The following ZMYM4 variants were observed in gnomAD, a reference collection of about 807,000 sequenced individuals.
The protein encoded by ZMYM4 is zinc finger MYM-type containing 4.
A neutral mutation model predicts 183.2 loss-of-function variants in ZMYM4; 31 were observed. The observed-to-expected ratio is 0.17, with a 90% CI of 0.13 to 0.23. The LOEUF (loss-of-function observed/expected upper bound fraction) is 0.23, where lower values mean the gene tolerates loss of function less well. Ranked by LOEUF, ZMYM4 falls within the 10% of genes least tolerant of loss-of-function variation. The probability of loss-of-function intolerance (pLI) is 1.00; values close to 1 mark genes in which losing one functional copy is unlikely to be tolerated. For missense variants in ZMYM4, 1,273 were observed against 1,840.3 expected (o/e 0.69, Z 5.64); for synonymous variants, 592 against 631.2 (o/e 0.94, Z 0.93).
chr1:35,374,182 C>T (rs1644283541), intron 7 of ZMYM4, among the ~76,000 whole-genome samples: 1 of 151,682 alleles, frequency 6.6e-6, no homozygotes, highest in Non-Finnish European at 1.5e-5. Context: ...CAGGCATGCA[C>T]CACTATGCCC....
intron 2 of ZMYM4, among the ~76,000 whole-genome samples, chr1:35,332,530 T>TGCCTAG (rs1642799614): frequency 6.6e-6 from 1 of 152,014 alleles, no homozygotes; most frequent in Non-Finnish European, 1.5e-5. Flanking sequence ...TTTGGTGCCT[T>TGCCTAG]GCCTAACAGG....
intron 1 of ZMYM4, among the ~76,000 whole-genome samples, chr1:35,308,688 C>G (rs1641660751): frequency 6.6e-6 from 1 of 152,128 alleles, no homozygotes; most frequent in Non-Finnish European, 1.5e-5. Context: ...TGGCGAAACC[C>G]TGTCTCTACC....
rs189328405 is a variant in ZMYM4, at chr1:35,368,588, A to G, written c.841-1441A>G. 4.3e-4 allele frequency among the ~76,000 whole-genome samples: 66 copies of G among 152,332 alleles called. No individual in the cohort carries two copies. In the East Asian group the frequency reaches 0.012, roughly 27 times the overall value. On this transcript the variant is annotated intron_variant, in intron 5 of 29. Transcript: ENST00000314607. ...GTTTTTTTCATAAATTACTGGAGTA[A>G]ATATAATTAAGAACATTTTTTGGGG...
intron 4 of ZMYM4, 114 bp from the exon 5 acceptor site, chr1:35,361,505 T>TA (rs1643935630): frequency 7.3e-6 from 9 of 1,234,386 alleles, no homozygotes; most frequent in Non-Finnish European, 7.8e-6. Flanking sequence ...ATCCAAAAGC[T>TA]AATGAATGTC....
intron 28 of ZMYM4, among the ~76,000 whole-genome samples, chr1:35,416,336 A>T (rs1202910697): frequency 6.6e-6 from 1 of 152,250 alleles, no homozygotes; most frequent in Admixed American, 6.5e-5. Context: ...GAATAGAATC[A>T]TAAGTCCTGA....
chr1:35,360,418 G>A (rs548660728), intron 3 of ZMYM4, among the ~76,000 whole-genome samples: 1 of 151,994 alleles, frequency 6.6e-6, no homozygotes, highest in Non-Finnish European at 1.5e-5. Flanking sequence ...ACCAGTCCTT[G>A]TATTTCTTCT....
chr1:35,275,824 A>G (rs1639842612), intron 1 of ZMYM4, among the ~76,000 whole-genome samples: 6 of 152,236 alleles, frequency 3.9e-5, no homozygotes, highest in Admixed American at 6.5e-5. Flanking sequence ...AGCCATTAGC[A>G]GGAGCATGGG....
intron 2 of ZMYM4, among the ~76,000 whole-genome samples, chr1:35,326,722 C>T (rs151134564): frequency 6.6e-6 from 1 of 152,110 alleles, no homozygotes; most frequent in Non-Finnish European, 1.5e-5. Context: ...CAGACTGGGA[C>T]AATTTAGACA....
intron 1 of ZMYM4, among the ~76,000 whole-genome samples, chr1:35,271,425 CAG>C (rs1253546788): frequency 1.3e-5 from 2 of 151,860 alleles, no homozygotes; most frequent in African/African-American, 4.8e-5. Context: ...ATTTTTGAGA[CAG>C]AGTCTTGCTC....
intron 1 of ZMYM4, among the ~76,000 whole-genome samples, chr1:35,319,272 G>C (rs1436557348): frequency 6.6e-6 from 1 of 152,146 alleles, no homozygotes; most frequent in African/African-American, 2.4e-5. Flanking sequence ...AGATTGCTTT[G>C]CATGGTTTCA....
intron 2 of ZMYM4, among the ~76,000 whole-genome samples, chr1:35,347,838 G>T (rs1643455737): frequency 6.6e-6 from 1 of 152,018 alleles, no homozygotes; most frequent in African/African-American, 2.4e-5. Context: ...TTATTATTTT[G>T]CTTATTATGT....
intron 1 of ZMYM4, among the ~76,000 whole-genome samples, chr1:35,323,833 C>T (rs775872223): frequency 1.8e-4 from 28 of 151,582 alleles, no homozygotes; most frequent in Non-Finnish European, 2.9e-4. Flanking sequence ...GGATTACAGG[C>T]GTGAGTCACC....
At position 35,351,522 on chromosome 1, in the gene ZMYM4, A is replaced by G. The variant is rs1570413738; in HGVS notation, c.86-7403A>G. 8 of 1,304,006 alleles carry G rather than the reference A, an allele frequency of 6.1e-6. No individual in the cohort carries two copies. In the East Asian group the frequency reaches 1.8e-4, roughly 30 times the overall value. 80.8% of individuals were successfully genotyped at this position (1,304,006 alleles called of 1,614,324 possible). A position where few individuals can be genotyped will look rare whatever the true frequency, so the allele number is the denominator to read the frequency against. ...AAAAAGAAGAGGTGGAACCATCCCA[A>G]AATATCCCTTGCTCAGAAGAAAGAT... is the stretch of plus-strand genomic sequence containing the variant. On this transcript the variant is annotated intron_variant, in intron 2 of 29. Transcript: ENST00000314607.
At chr1:35,293,207 GT>G (rs953705210) in intron 1 of ZMYM4, among the ~76,000 whole-genome samples, 14 of 151,684 alleles carry the variant, frequency 9.2e-5, no homozygotes, top group Middle Eastern at 3.4e-3. Context: ...GTCTTCCTAT[GT>G]TACTTAGGCT....
intron 18 of ZMYM4, among the ~76,000 whole-genome samples, chr1:35,394,836 G>A (rs577652672): frequency 3.1e-4 from 47 of 152,146 alleles, no homozygotes; most frequent in African/African-American, 9.4e-4. Context: ...AATTTTGGCC[G>A]ATTGCAGTGG....
chr1:35,401,394 T>A (rs1490143004), intron 23 of ZMYM4, among the ~76,000 whole-genome samples: 1 of 152,250 alleles, frequency 6.6e-6, no homozygotes, highest in Non-Finnish European at 1.5e-5. Context: ...ATGTTAAGCA[T>A]CTTTTCATAT....
At chr1:35,312,530 G>C (rs547413904) in intron 1 of ZMYM4, among the ~76,000 whole-genome samples, 93 of 152,196 alleles carry the variant, frequency 6.1e-4, no homozygotes, top group African/African-American at 2.2e-3. Flanking sequence ...TAAAGTCTGC[G>C]TAGAATTTCG....
chr1:35,271,885 C>G (rs969410814), intron 1 of ZMYM4, among the ~76,000 whole-genome samples: 1 of 152,096 alleles, frequency 6.6e-6, no homozygotes, highest in Non-Finnish European at 1.5e-5. Flanking sequence ...ATTGCTTGAG[C>G]CCAGGAGTTG....
intron 2 of ZMYM4, among the ~76,000 whole-genome samples, chr1:35,327,354 A>G (rs1642550108): frequency 6.6e-6 from 1 of 152,238 alleles, no homozygotes; most frequent in African/African-American, 2.4e-5. Context: ...TGTAGAATAA[A>G]TTCCAAGAAT....
Sources: allele counts gnomAD v4.1 joint callset (sites outside exome capture counted in the v4.1 genomes callset), GRCh38; gene constraint gnomAD v4.1.1; transcripts MANE v1.5; gene names NCBI Gene and HGNC (gene_info 2026-07-23, HGNC 2026-07-21).